CLTCL1: variants seen among roughly 807,000 people sequenced by gnomAD.
CLTCL1 encodes clathrin heavy chain 2.
Under a neutral mutation model 190.0 loss-of-function variants are expected in CLTCL1, and 159 were observed. The observed-to-expected ratio is 0.84, with a 90% CI of 0.74 to 0.95. The LOEUF (loss-of-function observed/expected upper bound fraction) is 0.95, where lower values mean the gene tolerates loss of function less well. CLTCL1 is among the 40% of genes least tolerant of loss of function. The pLI, the probability that CLTCL1 is intolerant of heterozygous loss-of-function variation, is 0.00. For missense variants in CLTCL1, 1,878 were observed against 2,033.4 expected (o/e 0.92, Z 1.47); for synonymous variants, 752 against 769.6 (o/e 0.98, Z 0.38).
At position 19,198,633 on chromosome 22, in the gene CLTCL1, C is replaced by A. The variant is rs144029554; in HGVS notation, c.3873+1101G>T. On this transcript the variant is annotated intron_variant, in intron 24 of 32. Coordinates refer to ENST00000427926, the MANE Select transcript of CLTCL1 (RefSeq NM_007098.4). The surrounding 1 kb of genome is among the most constrained non-coding windows in gnomAD (Gnocchi z 4.1). ...CTTCAGGTCTTTGCTCAAATGTCAC[C>A]CCCTCAATTGCTGCTACCTTGACCG... 2.3e-3 allele frequency among the ~76,000 whole-genome samples: 344 copies of A among 152,216 alleles called. 1 individual carries two copies. Among genetic ancestry groups the A allele is most frequent in the African/African-American group, 7.6e-3 (316 of 41,520 alleles).
At position 19,225,433 on chromosome 22, in the gene CLTCL1, C is replaced by T. The variant is rs782493250; in HGVS notation, c.2128+20G>A. The T allele has an allele frequency of 5.2e-6, 8 of 1,546,750 alleles. No homozygotes were observed. The highest frequency in any genetic ancestry group is 4.8e-5 in the East Asian group (2 of 41,832). On this transcript the variant is annotated intron_variant, in intron 13 of 32. Coordinates refer to ENST00000427926, the MANE Select transcript of CLTCL1 (RefSeq NM_007098.4). ...AGGTGTAGTCACATGGTGGGGTCGG[C>T]GAGAGGCTGCATGGTTTACCTTTGT...
intron 1 of CLTCL1, among the ~76,000 whole-genome samples, chr22:19,290,672 G>A (rs1475951605): frequency 1.3e-5 from 2 of 152,182 alleles, no homozygotes; most frequent in African/African-American, 4.8e-5. Flanking sequence ...CTGCATCTAG[G>A]GCTAACAGTG....
chr22:19,266,007 G>A (rs1555977762), intron 2 of CLTCL1, among the ~76,000 whole-genome samples: 1 of 151,810 alleles, frequency 6.6e-6, no homozygotes, highest in South Asian at 2.1e-4. Flanking sequence ...CTGAGTAGCT[G>A]GAACCACAGA....
At chr22:19,193,165 G>C (rs1055196667) in intron 26 of CLTCL1, among the ~76,000 whole-genome samples, 1 of 152,242 alleles carries the variant, frequency 6.6e-6, no homozygotes, top group South Asian at 2.1e-4. Context: ...GGTATCACGC[G>C]AGTGGACAGA....
intron 26 of CLTCL1, among the ~76,000 whole-genome samples, chr22:19,195,837 T>C (rs1601474554): frequency 6.7e-6 from 1 of 149,280 alleles, no homozygotes; most frequent in Non-Finnish European, 1.5e-5. Context: ...AGGCCGCTGG[T>C]GCTGGGGAGA....
At chr22:19,207,928 A>G in intron 22 of CLTCL1, 2 of 684,906 alleles carry the variant, frequency 2.9e-6, no homozygotes, top group South Asian at 3.2e-5. Context: ...GGTGAGTTGT[A>G]GAATTATTTC....
intron 11 of CLTCL1, among the ~76,000 whole-genome samples, 165 bp from the exon 12 acceptor site, chr22:19,226,548 A>AG (rs34334196): frequency 0.059 from 8,967 of 152,164 alleles, 329 homozygotes; most frequent in Middle Eastern, 0.16. Flanking sequence ...GTGGGTCCCA[A>AG]ATCCCTGGCT....
At chr22:19,230,578 T>C (rs576579937) in intron 10 of CLTCL1, among the ~76,000 whole-genome samples, 15 of 152,138 alleles carry the variant, frequency 9.9e-5, no homozygotes, top group Non-Finnish European at 2.2e-4. Flanking sequence ...ATTCACGTAA[T>C]TTATGGTCAT....
chr22:19,242,840 T>C lies in CLTCL1; in HGVS notation c.616A>G (p.Met206Val). The C allele has an allele frequency of 6.2e-7, 1 of 1,613,914 alleles. No homozygotes were observed. The highest frequency in any genetic ancestry group is 8.5e-7 in the Non-Finnish European group (1 of 1,179,868). The change falls in exon 4 of 33, where the codon ATG becomes GTG. Residue 206 changes from methionine (M) to valine (V), a missense_variant. Coordinates refer to ENST00000427926, the MANE Select transcript of CLTCL1 (RefSeq NM_007098.4). ...GTGGCAGGCTTGGCATTCCCCTCCATCTTGAACTCTGCAAAAGCCGCAGCA... is the reference window on the plus strand; with the variant it reads ...GTGGCAGGCTTGGCATTCCCCTCCACCTTGAACTCTGCAAAAGCCGCAGCA... ...GHAAAFAEFKMEGNAKPATLF... is the reference protein window; with the variant it reads ...GHAAAFAEFKVEGNAKPATLF...
rs782029058 is a variant in CLTCL1, at chr22:19,187,720, C to T, written c.4443G>A (p.Arg1481=). ...AGTTGTCATAGGCATCGATAGATGC[C>T]CTTAAGCCCTAGGAAGACAGCCTTT... ...LTEEEDYQGL[R]ASIDAYDNFD... The change falls in exon 29 of 33, where the codon AGG becomes AGA. Residue 1481 remains arginine (R), a synonymous_variant. Coordinates refer to ENST00000427926, the MANE Select transcript of CLTCL1 (RefSeq NM_007098.4). 1.2e-6 allele frequency: 2 copies of T among 1,613,484 alleles called. No individual in the cohort carries two copies. The highest frequency in any genetic ancestry group is 2.7e-5 in the African/African-American group (2 of 75,028).
chr22:19,265,442 C>A (rs1438973964), intron 2 of CLTCL1, among the ~76,000 whole-genome samples: 36 of 152,132 alleles, frequency 2.4e-4, no homozygotes, highest in Admixed American at 2.2e-3. Context: ...TAAATAATAT[C>A]ATTTAAAACC....
intron 30 of CLTCL1, chr22:19,181,325 TC>T (rs2084130136): frequency 6.4e-6 from 1 of 156,080 alleles, no homozygotes; most frequent in African/African-American, 2.4e-5. Flanking sequence ...TCCTCACTCT[TC>T]CCTGAGGCTT....
chr22:19,196,575 C>T lies in CLTCL1; in HGVS notation c.3955G>A (p.Glu1319Lys). The T allele has an allele frequency of 6.2e-7, 1 of 1,613,874 alleles. No individual in the cohort carries two copies. The highest frequency in any genetic ancestry group is 8.5e-7 in the Non-Finnish European group (1 of 1,179,830). The stretch of plus-strand genomic sequence containing the variant: ...AATTTGGAGTAGAGGATGGCCAGCT[C>T]AGTGAACATGCCCATGTGGGCCCGC... ...LERAHMGMFT[E>K]LAILYSKFKP... The change falls in exon 25 of 33, where the codon GAG becomes AAG. Residue 1319 changes from glutamate (E) to lysine (K), a missense_variant. Transcript: ENST00000427926.
At chr22:19,185,704 G>A (rs1385624241) in intron 29 of CLTCL1, among the ~76,000 whole-genome samples, 1 of 152,236 alleles carries the variant, frequency 6.6e-6, no homozygotes, top group Non-Finnish European at 1.5e-5. Flanking sequence ...GTGGGTGGCT[G>A]GCAAGGCCAG....
intron 1 of CLTCL1, among the ~76,000 whole-genome samples, chr22:19,282,448 G>C (rs2146350461): frequency 6.6e-6 from 1 of 151,872 alleles, no homozygotes; most frequent in African/African-American, 2.4e-5. Context: ...GACCAGCCTG[G>C]CCAACATGGT....
At chr22:19,211,313 A>G (rs534555655) in intron 19 of CLTCL1, among the ~76,000 whole-genome samples, 1 of 152,356 alleles carries the variant, frequency 6.6e-6, no homozygotes, top group African/African-American at 2.4e-5. Flanking sequence ...TAAGTAACAG[A>G]GTCTGGACAC....
chr22:19,201,221 T>C, intron 23 of CLTCL1, 108 bp downstream of exon 23: 1 of 1,340,850 alleles, frequency 7.5e-7, no homozygotes, highest in African/African-American at 1.5e-5. Context: ...TTCAGACCCC[T>C]GCCTGGGCAA....
At chr22:19,288,488 C>T (rs2087989956) in intron 1 of CLTCL1, among the ~76,000 whole-genome samples, 1 of 152,158 alleles carries the variant, frequency 6.6e-6, no homozygotes, top group Non-Finnish European at 1.5e-5. Context: ...ACTCAAAAAC[C>T]TCACAACTAC....
chr22:19,279,544 C>T (rs1393219230), intron 1 of CLTCL1, among the ~76,000 whole-genome samples: 2 of 152,138 alleles, frequency 1.3e-5, no homozygotes, highest in African/African-American at 4.8e-5. Flanking sequence ...AACATGAATA[C>T]CTGCAATCAA....
Sources: gnomAD v4.1 joint callset for allele counts (sites outside exome capture counted in the v4.1 genomes callset) on GRCh38, gnomAD v4.1.1 for gene constraint, Gnocchi (gnomAD v3.1) non-coding constraint, MANE v1.5 for transcripts, NCBI Gene and HGNC (gene_info 2026-07-23, HGNC 2026-07-21) for gene names.